Variants in CSMD1 observed in about 807,000 individuals in gnomAD.
CSMD1 encodes CUB and Sushi multiple domains 1, also known as CUB and sushi domain-containing protein 1.
Under a neutral mutation model 417.5 loss-of-function variants are expected in CSMD1, and 213 were observed. The observed-to-expected ratio is 0.51, with a 90% CI of 0.46 to 0.57. The LOEUF (loss-of-function observed/expected upper bound fraction) is 0.57, where lower values mean the gene tolerates loss of function less well. Ranked by LOEUF, CSMD1 falls within the 20% of genes least tolerant of loss-of-function variation. The pLI is 0.00. For missense variants in CSMD1, 6,923 were observed against 4,529.7 expected, an observed-to-expected ratio of 1.53 and a Z score of -15.17; for synonymous variants, 2,862 against 1,736.8, an observed-to-expected ratio of 1.65 and a Z score of -16.11.
At chr8:2,977,879 C>G (rs2128937091) in intron 55 of CSMD1, among the ~76,000 whole-genome samples, 1 of 152,218 alleles carries the variant, frequency 6.6e-6, no homozygotes, top group African/African-American at 2.4e-5. Context: ...AATGAGATAC[C>G]ATCTCATGCC....
chr8:4,681,472 A>C (rs1235816197), intron 1 of CSMD1, among the ~76,000 whole-genome samples: 1 of 152,190 alleles, frequency 6.6e-6, no homozygotes, highest in Non-Finnish European at 1.5e-5. Context: ...ATGAAACCAC[A>C]AATGGTGAGC....
At position 3,019,267 on chromosome 8, in the gene CSMD1, C is replaced by G. The variant is rs773507067; in HGVS notation, c.7856-617G>C. 2.4e-4 allele frequency among the ~76,000 whole-genome samples: 37 copies of G among 152,226 alleles called. 1 individual carries two copies. Among genetic ancestry groups the G allele is most frequent in the Non-Finnish European group, 4.4e-4 (30 of 68,012 alleles). On this transcript the variant is annotated intron_variant, in intron 51 of 69. Coordinates refer to ENST00000635120, the MANE Select transcript of CSMD1 (RefSeq NM_033225.6). ...TCCTGACAGGTATAGCTGAACCATT[C>G]TTGAAAAAATACACAGTATACAAAG...
Position 4,390,607 on chromosome 8 carries a change from G to A in CSMD1, c.415+29346C>T, listed in dbSNP as rs1011169914. Among the ~76,000 whole-genome samples, 53 of 151,864 alleles carry A rather than the reference G, an allele frequency of 3.5e-4. 1 individual carries two copies. The highest frequency in any genetic ancestry group is 3.0e-3 in the Admixed American group (46 of 15,242). On this transcript the variant is annotated intron_variant, in intron 3 of 69. Coordinates refer to ENST00000635120, the MANE Select transcript of CSMD1 (RefSeq NM_033225.6). ...CAGCTCCCTGCAAGCTCCGCCTCCC[G>A]GACTCACGCCATTCTCCTGCCTCAG... is the stretch of plus-strand genomic sequence containing the variant.
intron 4 of CSMD1, among the ~76,000 whole-genome samples, chr8:4,003,442 AT>A (rs1331241485): frequency 1.3e-5 from 2 of 152,104 alleles, no homozygotes; most frequent in Non-Finnish European, 2.9e-5. Flanking sequence ...AAATAAATAG[AT>A]AAGTAAATAA....
At chr8:4,402,313 C>G (rs1804697949) in intron 3 of CSMD1, among the ~76,000 whole-genome samples, 1 of 152,048 alleles carries the variant, frequency 6.6e-6, no homozygotes, top group Admixed American at 6.6e-5. Context: ...CTCTTTCCCT[C>G]CTTCAAATCT....
chr8:3,898,821 C>G (rs940486354), intron 5 of CSMD1, among the ~76,000 whole-genome samples: 1 of 152,146 alleles, frequency 6.6e-6, no homozygotes, highest in African/African-American at 2.4e-5. Flanking sequence ...ATTAATAAAT[C>G]ATCAATTATT....
intron 1 of CSMD1, among the ~76,000 whole-genome samples, chr8:4,991,691 C>A (rs886547016): frequency 1.1e-4 from 17 of 152,102 alleles, no homozygotes; most frequent in African/African-American, 3.6e-4. Flanking sequence ...CGCCGACGCC[C>A]CCGGGGGGAG....
intron 3 of CSMD1, among the ~76,000 whole-genome samples, chr8:4,193,822 CAG>C (rs2131224534): frequency 6.6e-6 from 1 of 152,046 alleles, no homozygotes; most frequent in East Asian, 1.9e-4. Context: ...AGCAGGAAAA[CAG>C]AATACAGTTC....
intron 5 of CSMD1, among the ~76,000 whole-genome samples, chr8:3,797,060 G>C (rs1487516728): frequency 1.3e-5 from 2 of 151,860 alleles, no homozygotes; most frequent in Non-Finnish European, 3.0e-5. Context: ...GTAGGGCAAT[G>C]TATCACTTAT....
intron 5 of CSMD1, among the ~76,000 whole-genome samples, chr8:3,950,197 C>G (rs145336698): frequency 2.0e-5 from 3 of 152,134 alleles, no homozygotes; most frequent in Non-Finnish European, 4.4e-5. Flanking sequence ...GGCCACGATC[C>G]AATACTGACT....
intron 5 of CSMD1, among the ~76,000 whole-genome samples, chr8:3,819,315 G>C (rs545714083): frequency 3.3e-5 from 5 of 152,142 alleles, no homozygotes; most frequent in Non-Finnish European, 5.9e-5. Context: ...GCTATGAAGA[G>C]ATGAGAGAGT....
chr8:4,652,673 T>C (rs1355501050), intron 1 of CSMD1, among the ~76,000 whole-genome samples: 4 of 151,864 alleles, frequency 2.6e-5, no homozygotes, highest in African/African-American at 7.3e-5. Flanking sequence ...AAAAGACAGA[T>C]TCGCCACAGC....
At chr8:3,427,580 G>C (rs1033700771) in intron 12 of CSMD1, among the ~76,000 whole-genome samples, 2 of 152,078 alleles carry the variant, frequency 1.3e-5, no homozygotes, top group Non-Finnish European at 2.9e-5. Flanking sequence ...TCAAATCTAT[G>C]AGATATGAAA....
intron 1 of CSMD1, among the ~76,000 whole-genome samples, chr8:4,836,836 A>T (rs1461575223): frequency 6.6e-6 from 1 of 152,072 alleles, no homozygotes; most frequent in East Asian, 1.9e-4. Context: ...GAAAAAAAAA[A>T]GTAGACGCTG....
intron 1 of CSMD1, among the ~76,000 whole-genome samples, chr8:4,656,407 T>C (rs76268200): frequency 0.02 from 3,095 of 152,080 alleles, 59 homozygotes; most frequent in Non-Finnish European, 0.029. Context: ...TGGGGACACT[T>C]TGAAGGACTA....
At chr8:4,028,172 T>C (rs1043613783) in intron 4 of CSMD1, among the ~76,000 whole-genome samples, 1 of 152,186 alleles carries the variant, frequency 6.6e-6, no homozygotes, top group African/African-American at 2.4e-5. Flanking sequence ...AATGGGCATC[T>C]AGAGTAGGAA....
intron 1 of CSMD1, among the ~76,000 whole-genome samples, chr8:4,727,968 A>T (rs200377444): frequency 7.0e-6 from 1 of 141,908 alleles, no homozygotes; most frequent in African/African-American, 2.6e-5. Flanking sequence ...ATATATACAA[A>T]ATATATATGT....
At position 3,437,717 on chromosome 8, in the gene CSMD1, C is replaced by G. The variant is rs528123648; in HGVS notation, c.1562-28112G>C. Among the ~76,000 whole-genome samples, 5 of 152,034 alleles carry G rather than the reference C, an allele frequency of 3.3e-5. No individual in the cohort carries two copies. In the South Asian group the frequency reaches 1.0e-3, roughly 32 times the overall value. ...AGGAAGACAGAACACCCTGTTCCCA[C>G]CAAAGCCACTATAGATGCAGCTAAT... On this transcript the variant is annotated intron_variant, in intron 12 of 69. Transcript: ENST00000635120.
intron 1 of CSMD1, among the ~76,000 whole-genome samples, chr8:4,921,227 C>G (rs4579549): frequency 0.41 from 61,929 of 152,032 alleles, 14,897 homozygotes; most frequent in East Asian, 0.84. Context: ...ACGTTCCATT[C>G]AGAAACCTCT....
Sources: allele counts gnomAD v4.1 joint callset (sites outside exome capture counted in the v4.1 genomes callset), GRCh38; gene constraint gnomAD v4.1.1; transcripts MANE v1.5; gene names NCBI Gene and HGNC (gene_info 2026-07-23, HGNC 2026-07-21).